Variants in AKAP8 observed in about 807,000 individuals in gnomAD.
AKAP8 encodes the protein A-kinase anchor protein 8.
AKAP8 carries 24 observed loss-of-function variants against 67.5 expected under a neutral mutation model. The ratio of observed to expected loss-of-function variants is 0.36; its 90% CI spans 0.26 to 0.50. AKAP8 has a LOEUF of 0.50. Ranked by LOEUF, AKAP8 falls within the 20% of genes least tolerant of loss-of-function variation. AKAP8 has a pLI of 0.97. For synonymous variants in AKAP8, 400 were observed against 371.1 expected (o/e 1.08, Z -0.90); for missense variants, 971 against 955.9 (o/e 1.02, Z -0.21).
In AKAP8 at chr19:15,355,300, T is replaced by C; in HGVS notation, c.1694A>G (p.Asp565Gly). The change falls in exon 14 of 14, where the codon GAT (aspartate) becomes GGT (glycine). Residue 565 changes from aspartate to glycine, a missense_variant. Coordinates refer to ENST00000269701, the MANE Select transcript of AKAP8 (RefSeq NM_005858.4). ...CACCTCCTCAGGTGTCTCTTTCTTA[T>C]CCTCACCTCCTAAATTGTCATCTCC... ...MEGDDNLGGE[D>G]KKETPEEVAA... 2.5e-6 allele frequency: 4 copies of C among 1,613,752 alleles called. No homozygotes were observed. Among genetic ancestry groups the C allele is most frequent in the Non-Finnish European group, 3.4e-6 (4 of 1,180,018 alleles).
rs1414816322 is a variant in AKAP8, at chr19:15,369,707, T to A, written c.1072+439A>T. On this transcript the variant is annotated intron_variant, in intron 8 of 13. Coordinates refer to ENST00000269701, the MANE Select transcript of AKAP8 (RefSeq NM_005858.4). This position sits in a 1 kb window ranked among gnomAD's most constrained non-coding sequence, Gnocchi z 4.6. ...GCAATGTGCAGTGCAGCTGCCAGTA[T>A]CCCCACCACAGAGGCCCACAGCACA... 1.3e-5 allele frequency among the ~76,000 whole-genome samples: 2 copies of A among 151,982 alleles called. No homozygotes were observed. The highest frequency in any genetic ancestry group is 6.6e-5 in the Admixed American group (1 of 15,260).
chr19:15,364,252 C>G lies in AKAP8; in HGVS notation c.1161-2001G>C, dbSNP rs902733874. Among the ~76,000 whole-genome samples, 3 of 150,572 alleles carry G rather than the reference C, an allele frequency of 2.0e-5. No homozygotes were observed. The East Asian group carries it at 5.8e-4, about 29-fold the overall frequency. Reference sequence around the variant, plus strand: ...TCTCAGCTAACCGCAACCTCTAACACCCAGGTTCAAGCGATTCTCCTGCCT... The same window carrying G: ...TCTCAGCTAACCGCAACCTCTAACAGCCAGGTTCAAGCGATTCTCCTGCCT... On this transcript the variant is annotated intron_variant, in intron 9 of 13. Transcript: ENST00000269701.
intron 2 of AKAP8, among the ~76,000 whole-genome samples, chr19:15,376,376 G>A (rs1289380254): frequency 2.0e-5 from 3 of 152,116 alleles, no homozygotes; most frequent in African/African-American, 4.8e-5. Flanking sequence ...TTAGCTGGGC[G>A]CAGTGGTGGG....
At chr19:15,370,112 A>G in intron 8 of AKAP8, 34 bp downstream of exon 8, 3 of 1,613,540 alleles carry the variant, frequency 1.9e-6, no homozygotes, top group African/African-American at 2.7e-5. Flanking sequence ...CTGGGAAGAC[A>G]CAGGAAAGCT....
At chr19:15,367,237 A>G (rs1015270170) in intron 9 of AKAP8, among the ~76,000 whole-genome samples, 3 of 152,126 alleles carry the variant, frequency 2.0e-5, no homozygotes, top group African/African-American at 7.2e-5. Flanking sequence ...GAACACGACA[A>G]TCACTGCCCA....
intron 9 of AKAP8, among the ~76,000 whole-genome samples, chr19:15,362,707 A>G (rs1966990737): frequency 6.6e-6 from 1 of 151,570 alleles, no homozygotes; most frequent in South Asian, 2.1e-4. Flanking sequence ...TCGGCTCGCT[A>G]CAACCTCCAC....
In AKAP8 at chr19:15,369,038, TGGA is replaced by T. The variant is rs1278502589; in HGVS notation, c.1073-719_1073-717del. The T allele has an allele frequency of 3.0e-6, 3 of 985,560 alleles. No individual in the cohort carries two copies. The African/African-American group carries it at 5.2e-5, about 17-fold the overall frequency. The allele number at this position is 985,560 out of a possible 1,614,324, so 61.1% of individuals were successfully genotyped here. A position where few individuals can be genotyped will look rare whatever the true frequency, so the allele number is the denominator to read the frequency against. ...CCAGGGACGGACGCTGAAAAAAGGT[TGGA>T]GAAGCATCTGAACTGTAACCCCTAC... On this transcript the variant is annotated intron_variant, in intron 8 of 13. Coordinates refer to ENST00000269701, the MANE Select transcript of AKAP8 (RefSeq NM_005858.4). The surrounding 1 kb of genome is among the most constrained non-coding windows in gnomAD (Gnocchi z 4.6).
rs565360023 is a variant in AKAP8 at position 15,359,184 on chromosome 19, G to C, written c.1528-122C>G. On this transcript the variant is annotated intron_variant, in intron 12 of 13. Coordinates refer to ENST00000269701, the MANE Select transcript of AKAP8 (RefSeq NM_005858.4). ...TATGCAGAGAAGCGAATCTCAAAAC[G>C]CCAGCCTCCAAGAATAGAAGGCTCC... The C allele has an allele frequency of 4.9e-5, 41 of 835,682 alleles. No homozygotes were observed. The African/African-American group carries it at 5.5e-4, about 11-fold the overall frequency. The allele number at this position is 835,682 out of a possible 1,614,324, so 51.8% of individuals were successfully genotyped here.
rs760435364 is a variant in AKAP8, at chr19:15,362,230, T to C, written c.1182A>G (p.Val394=). 1.2e-6 allele frequency: 2 copies of C among 1,614,068 alleles called. No homozygotes were observed. The highest frequency in any genetic ancestry group is 1.7e-6 in the Non-Finnish European group (2 of 1,179,998). Residue 394 remains valine, a synonymous_variant, in exon 10 of 14, where the codon GTA becomes GTG. Coordinates refer to ENST00000269701, the MANE Select transcript of AKAP8 (RefSeq NM_005858.4). ...CGTCATCAAAGCTACGGAACTTGCATACAGAACAGGCAAACTGAATTCTGT... is the reference window on the plus strand; with the variant it reads ...CGTCATCAAAGCTACGGAACTTGCACACAGAACAGGCAAACTGAATTCTGT... ...AADRIQFACS[V]CKFRSFDDEE...
chr19:15,366,143 A>G (rs975124336), intron 9 of AKAP8, among the ~76,000 whole-genome samples: 23 of 92,596 alleles, frequency 2.5e-4, no homozygotes, highest in African/African-American at 9.1e-4. Context: ...AAGATGAAAA[A>G]AAAGCAAAAA....
Position 15,376,980 on chromosome 19 carries a change from G to C in AKAP8, c.54C>G (p.Thr18=). ...CGCAAAGCAGAGCCCACTTACCCTG[G>C]GTGTTGGCAGGTCCAGCACTCCACG... ...YGAWSAGPAN[T]QGAYGTGVAS... The change falls in exon 2 of 14, where the codon ACC becomes ACG. Residue 18 remains threonine, a synonymous_variant. Coordinates refer to ENST00000269701, the MANE Select transcript of AKAP8 (RefSeq NM_005858.4). 6.2e-7 allele frequency: 1 copy of C among 1,612,672 alleles called. No individual in the cohort carries two copies. Among genetic ancestry groups the C allele is most frequent in the Non-Finnish European group, 8.5e-7 (1 of 1,179,460 alleles).
At chr19:15,361,942 T>C in intron 10 of AKAP8, 120 bp from the exon 11 acceptor site, 1 of 1,339,942 alleles carries the variant, frequency 7.5e-7, no homozygotes, top group South Asian at 1.3e-5. Flanking sequence ...CACAGCACGA[T>C]GGCTGGAGCT....
chr19:15,360,804 G>A (rs1441253978), intron 12 of AKAP8, 44 bp downstream of exon 12: 2 of 1,591,376 alleles, frequency 1.3e-6, no homozygotes, highest in African/African-American at 1.3e-5. Context: ...CTGAGCCGCA[G>A]CCCTGCAATG....
rs35341587 is a variant in AKAP8, at chr19:15,368,791, C to A, written c.1073-469G>T. ...AGGTGGACTGTGACGAGCGTCCTGG[C>A]GGCCCCGTCTGAACTAGGGCCTCAG... is the stretch of plus-strand genomic sequence containing the variant. On this transcript the variant is annotated intron_variant, in intron 8 of 13. Transcript: ENST00000269701. 1.1e-3 allele frequency: 1,098 copies of A among 985,324 alleles called. 7 individuals are homozygous for A. In the African/African-American group the frequency reaches 0.017, roughly 15 times the overall value. 61.0% of individuals were successfully genotyped at this position (985,324 alleles called of 1,614,324 possible).
chr19:15,373,953 C>T lies in AKAP8; in HGVS notation c.204G>A (p.Leu68=), dbSNP rs749253787. The change falls in exon 4 of 14, where the codon CTG becomes CTA. Residue 68 remains leucine (L), a synonymous_variant. Transcript: ENST00000269701. ...TGTGCATGGCAGGGGCCCCGGCCGC[C>T]AGGCCGCCATCATTGGCCTTGGCGG... The part of the protein sequence containing the change: ...WEAAKANDGG[L]AAGAPAMHMA... The T allele has an allele frequency of 2.5e-6, 4 of 1,613,786 alleles. No individual in the cohort carries two copies. The highest frequency in any genetic ancestry group is 3.4e-6 in the Non-Finnish European group (4 of 1,179,838).
rs1967083510 is a variant in AKAP8 at position 15,367,110 on chromosome 19, T to C, written c.1160+1125A>G. On this transcript the variant is annotated intron_variant, in intron 9 of 13. Coordinates refer to ENST00000269701, the MANE Select transcript of AKAP8 (RefSeq NM_005858.4). ...TTTAGTAGAGATGGGTTTCACCATA[T>C]TGACCAGGCTGGTCTTGAACTCCCG... 1.3e-5 allele frequency among the ~76,000 whole-genome samples: 2 copies of C among 152,332 alleles called. 1 individual carries two copies. Among genetic ancestry groups the C allele is most frequent in the South Asian group, 4.1e-4 (2 of 4,830 alleles).
intron 10 of AKAP8, 78 bp from the exon 11 acceptor site, chr19:15,361,900 C>G: frequency 6.8e-7 from 1 of 1,461,102 alleles, no homozygotes; most frequent in East Asian, 2.3e-5. Context: ...CAGGGCTAGG[C>G]AGGCAGCTAT....
intron 9 of AKAP8, among the ~76,000 whole-genome samples, chr19:15,363,326 G>C (rs942043815): frequency 1.4e-5 from 2 of 140,152 alleles, no homozygotes; most frequent in African/African-American, 5.4e-5. Context: ...CCCTCTGCCC[G>C]GCCAGCCGCT....
Position 15,354,402 on chromosome 19 carries a change from G to A in AKAP8, c.*513C>T, listed in dbSNP as rs1293672291. 6.2e-6 allele frequency: 1 copy of A among 160,020 alleles called. No homozygotes were observed. The highest frequency in any genetic ancestry group is 1.4e-5 in the Non-Finnish European group (1 of 72,038). The allele number at this position is 160,020 out of a possible 1,614,324, so 9.9% of individuals were successfully genotyped here. On this transcript the variant is annotated 3_prime_UTR_variant, in exon 14 of 14. Coordinates refer to ENST00000269701, the MANE Select transcript of AKAP8 (RefSeq NM_005858.4). ...GGATGTGACGCGGTCAGTGCCACATGTGAACCAGGTGCTGCGAAGTCCTGT... is the reference window on the plus strand; with the variant it reads ...GGATGTGACGCGGTCAGTGCCACATATGAACCAGGTGCTGCGAAGTCCTGT...
Sources: gnomAD v4.1 joint callset for allele counts (sites outside exome capture counted in the v4.1 genomes callset) on GRCh38, gnomAD v4.1.1 for gene constraint, Gnocchi (gnomAD v3.1) non-coding constraint, MANE v1.5 for transcripts, NCBI Gene and HGNC (gene_info 2026-07-23, HGNC 2026-07-21) for gene names.